Variants in GALNT13 observed in about 807,000 individuals in gnomAD.
GALNT13 encodes the protein UDP-GalNAc:polypeptide N-acetylgalactosaminyltransferase 13.
In GALNT13, 28 loss-of-function variants were observed where a neutral mutation model predicts 64.2. The ratio of observed to expected loss-of-function variants is 0.44; its 90% CI spans 0.32 to 0.60. The LOEUF (loss-of-function observed/expected upper bound fraction) is 0.60, where lower values mean the gene tolerates loss of function less well. Among genes scored for constraint, GALNT13 ranks in the 20% least tolerant of loss-of-function variants. The pLI is 0.05. For synonymous variants in GALNT13, 214 were observed against 224.6 expected (o/e 0.95, Z 0.42); for missense variants, 577 against 669.8 (o/e 0.86, Z 1.53).
chr2:154,092,075 G>GA (rs58406719), intron 3 of GALNT13, among the ~76,000 whole-genome samples: 1,369 of 74,446 alleles, frequency 0.018, 34 homozygotes, highest in East Asian at 0.041. Context: ...TTCATGTCTG[G>GA]AAAAAAAAAA....
the GALNT13 span, among the ~76,000 whole-genome samples, chr2:153,211,341 A>G: frequency 1.3e-5 from 2 of 152,032 alleles, no homozygotes; most frequent in Non-Finnish European, 2.9e-5. Flanking sequence ...TAGAGTTTCA[A>G]CATGTTGGCC....
intron 9 of GALNT13, among the ~76,000 whole-genome samples, chr2:154,347,514 GTC>G (rs1022782460): frequency 4.3e-4 from 65 of 151,858 alleles, no homozygotes; most frequent in African/African-American, 1.4e-3. Context: ...GTCAGATTTG[GTC>G]TCTCCATACC....
the GALNT13 span, among the ~76,000 whole-genome samples, chr2:153,082,513 C>T: frequency 2.4e-3 from 335 of 141,822 alleles, 1 homozygote; most frequent in African/African-American, 8.2e-3. Flanking sequence ...TAGTATTCCA[C>T]GGTGTACACA....
At chr2:153,115,439 A>C in the GALNT13 span, among the ~76,000 whole-genome samples, 2 of 152,242 alleles carry the variant, frequency 1.3e-5, no homozygotes, top group Non-Finnish European at 2.9e-5. Flanking sequence ...TATTATGTGA[A>C]GACCAGTAAA....
chr2:153,103,059 C>G, the GALNT13 span, among the ~76,000 whole-genome samples: 99 of 152,276 alleles, frequency 6.5e-4, no homozygotes, highest in East Asian at 0.019. Context: ...CCTCCCTCCC[C>G]ACCCTTCATC....
the GALNT13 span, among the ~76,000 whole-genome samples, chr2:153,776,904 C>A: frequency 6.6e-6 from 1 of 152,172 alleles, no homozygotes; most frequent in Non-Finnish European, 1.5e-5. Context: ...AGCCTGTCAA[C>A]ATGTCTGAAT....
chr2:153,512,684 A>T, the GALNT13 span, among the ~76,000 whole-genome samples: 5,962 of 152,328 alleles, frequency 0.039, 372 homozygotes, highest in African/African-American at 0.13. Flanking sequence ...CACCCGGCAC[A>T]TATTAAGAGT....
At chr2:153,882,397 A>G (rs1686844821) in intron 1 of GALNT13, among the ~76,000 whole-genome samples, 1 of 152,130 alleles carries the variant, frequency 6.6e-6, no homozygotes, top group South Asian at 2.1e-4. Flanking sequence ...TCTCTATAGT[A>G]AGTTTTTCTC....
rs138912848 is a variant in GALNT13, at chr2:154,397,538, A to G, written c.1296+1408A>G. On this transcript the variant is annotated intron_variant, in intron 10 of 12. Coordinates refer to ENST00000392825, the MANE Select transcript of GALNT13 (RefSeq NM_052917.4). ...CATTGTTGTAGACCATAATGGTAGA[A>G]TATCTGAAAATGTATATGGTTTAAT... 5.0e-3 allele frequency among the ~76,000 whole-genome samples: 762 copies of G among 152,370 alleles called. 2 individuals carry two copies. The highest frequency in any genetic ancestry group is 9.0e-3 in the Non-Finnish European group (609 of 68,040).
the GALNT13 span, among the ~76,000 whole-genome samples, chr2:153,071,864 C>T: frequency 1.3e-5 from 2 of 151,986 alleles, no homozygotes; most frequent in Admixed American, 1.3e-4. Flanking sequence ...GTAACAAAGA[C>T]CATATGTGGC....
intron 9 of GALNT13, among the ~76,000 whole-genome samples, chr2:154,362,292 T>G (rs928892731): frequency 3.4e-5 from 5 of 145,528 alleles, no homozygotes; most frequent in African/African-American, 1.3e-4. Flanking sequence ...GTTTCTCGCT[T>G]CTTGAGTCTG....
At chr2:153,744,450 A>G in the GALNT13 span, among the ~76,000 whole-genome samples, 2 of 152,150 alleles carry the variant, frequency 1.3e-5, no homozygotes, top group East Asian at 1.9e-4. Context: ...ACCTTTTCAT[A>G]TGCGTATGTC....
chr2:153,493,453 C>T, the GALNT13 span, among the ~76,000 whole-genome samples: 58 of 151,944 alleles, frequency 3.8e-4, no homozygotes, highest in Middle Eastern at 6.8e-3. Context: ...AAACACAATA[C>T]GAAAATAAAA....
the GALNT13 span, among the ~76,000 whole-genome samples, chr2:153,261,424 C>A: frequency 6.6e-6 from 1 of 152,110 alleles, no homozygotes; most frequent in African/African-American, 2.4e-5. Flanking sequence ...TTTGCTTAAC[C>A]CTGTTGCTCT....
the GALNT13 span, among the ~76,000 whole-genome samples, chr2:153,131,481 G>A: frequency 6.6e-6 from 1 of 151,884 alleles, no homozygotes; most frequent in South Asian, 2.1e-4. Flanking sequence ...TGACCTGACT[G>A]TAAGAGAGTA....
intron 4 of GALNT13, among the ~76,000 whole-genome samples, chr2:154,227,966 T>C (rs186932675): frequency 1.2e-4 from 18 of 152,258 alleles, no homozygotes; most frequent in Non-Finnish European, 2.5e-4. Flanking sequence ...TTACAAAATA[T>C]GGTAATTCTC....
intron 4 of GALNT13, 74 bp downstream of exon 4, chr2:154,140,579 C>A: frequency 9.4e-7 from 1 of 1,059,712 alleles, no homozygotes. Context: ...CTTGAGCTAA[C>A]TCAGATTATA....
At chr2:154,139,467 A>G (rs940912396) in intron 3 of GALNT13, among the ~76,000 whole-genome samples, 1 of 151,978 alleles carries the variant, frequency 6.6e-6, no homozygotes, top group Non-Finnish European at 1.5e-5. Flanking sequence ...ACATTGGAAG[A>G]GTCGAGACAT....
chr2:153,299,426 G>A, the GALNT13 span, among the ~76,000 whole-genome samples: 1 of 152,160 alleles, frequency 6.6e-6, no homozygotes, highest in Non-Finnish European at 1.5e-5. Context: ...GGATATTGCA[G>A]TACTAAAGGG....
Sources: allele counts gnomAD v4.1 joint callset (sites outside exome capture counted in the v4.1 genomes callset), GRCh38; gene constraint gnomAD v4.1.1; transcripts MANE v1.5; gene names NCBI Gene and HGNC (gene_info 2026-07-23, HGNC 2026-07-21).